USP28: variants seen among roughly 807,000 people sequenced by gnomAD.
The protein encoded by USP28 is ubiquitin specific peptidase 28, also known as ubiquitin carboxyl-terminal hydrolase 28.
A neutral mutation model predicts 145.0 loss-of-function variants in USP28; 113 were observed. That is an observed-to-expected ratio of 0.78 (90% confidence interval 0.67 to 0.91). The LOEUF is 0.91. Among genes scored for constraint, USP28 ranks in the 40% least tolerant of loss-of-function variants. The probability of loss-of-function intolerance (pLI) is 0.00; values close to 1 mark genes in which losing one functional copy is unlikely to be tolerated. For synonymous variants in USP28, 447 were observed against 450.9 expected, an observed-to-expected ratio of 0.99 and a Z score of 0.11; for missense variants, 1,201 against 1,289.6, an observed-to-expected ratio of 0.93 and a Z score of 1.05.
At chr11:113,822,818 G>A (rs1290611442) in intron 12 of USP28, among the ~76,000 whole-genome samples, 3 of 152,130 alleles carry the variant, frequency 2.0e-5, no homozygotes, top group African/African-American at 7.2e-5. Context: ...CTTCTGGAGT[G>A]AGAGTGGAAG....
chr11:113,868,659 G>C, intron 1 of USP28, among the ~76,000 whole-genome samples: 1 of 152,222 alleles, frequency 6.6e-6, no homozygotes, highest in East Asian at 1.9e-4. Context: ...CATGGTTCAC[G>C]CCTGTAATCC....
chr11:113,849,167 A>T (rs1946192817), intron 3 of USP28, among the ~76,000 whole-genome samples: 1 of 152,190 alleles, frequency 6.6e-6, no homozygotes, highest in Non-Finnish European at 1.5e-5. Context: ...AAATGCAAGG[A>T]GGTCTTTGCA....
chr11:113,815,335 G>A lies in USP28; in HGVS notation c.1511C>T (p.Ser504Phe), dbSNP rs1247469397. ...AGACTTGGGTAAAGAATCTTCAGGA[G>A]AAGAAAAGGTACTTTCAACATCCTG... The change falls in exon 14 of 25, where the codon TCT becomes TTT. Residue 504 changes from serine to phenylalanine, a missense_variant. Transcript: ENST00000003302. 1.5e-5 allele frequency: 25 copies of A among 1,614,028 alleles called. No homozygotes were observed. The highest frequency in any genetic ancestry group is 2.1e-5 in the Non-Finnish European group (25 of 1,180,050).
intron 18 of USP28, chr11:113,808,055 C>G: frequency 7.4e-7 from 1 of 1,344,996 alleles, no homozygotes; most frequent in East Asian, 3.4e-5. Context: ...GACTCTGCAT[C>G]ATTAGCCTTT....
intron 1 of USP28, chr11:113,874,867 C>G (rs1016692738): frequency 2.0e-6 from 2 of 1,002,768 alleles, no homozygotes; most frequent in Non-Finnish European, 2.4e-6. Context: ...AGCTCCTCCC[C>G]CTCCTTAAAA....
At chr11:113,818,671 G>A (rs1942131784) in intron 12 of USP28, among the ~76,000 whole-genome samples, 1 of 151,964 alleles carries the variant, frequency 6.6e-6, no homozygotes, top group South Asian at 2.1e-4. Flanking sequence ...ACCAGCCTAG[G>A]CAACATGACA....
chr11:113,811,545 G>A (rs1382537647), intron 16 of USP28, among the ~76,000 whole-genome samples: 1 of 152,116 alleles, frequency 6.6e-6, no homozygotes, highest in African/African-American at 2.4e-5. Context: ...AAAATCAGCT[G>A]GGCATGGTGG....
chr11:113,809,841 G>GGC (rs1257557648), intron 16 of USP28, among the ~76,000 whole-genome samples: 2 of 152,104 alleles, frequency 1.3e-5, no homozygotes, highest in Admixed American at 1.3e-4. Context: ...AGACCAGCCT[G>GGC]GCCAACATGG....
chr11:113,858,309 T>G (rs1947289708), intron 1 of USP28, among the ~76,000 whole-genome samples: 1 of 152,232 alleles, frequency 6.6e-6, no homozygotes, highest in South Asian at 2.1e-4. Flanking sequence ...TGATCCCCCC[T>G]TAGCCTGTTC....
chr11:113,868,373 A>G (rs962381639), intron 1 of USP28, among the ~76,000 whole-genome samples: 2 of 152,124 alleles, frequency 1.3e-5, no homozygotes, highest in Non-Finnish European at 2.9e-5. Flanking sequence ...CTCATACTAA[A>G]TTTTATTTCA....
chr11:113,848,386 G>A (rs1185435714), intron 3 of USP28, among the ~76,000 whole-genome samples: 1 of 152,154 alleles, frequency 6.6e-6, no homozygotes, highest in Admixed American at 6.5e-5. Flanking sequence ...GTTGAGGCAG[G>A]TTAATCAAGA....
chr11:113,815,531 T>C, intron 13 of USP28, 149 bp from the exon 14 acceptor site: 1 of 690,748 alleles, frequency 1.4e-6, no homozygotes, highest in Non-Finnish European at 2.4e-6. Flanking sequence ...AACCTTTTTC[T>C]CTATCATCTC....
intron 4 of USP28, among the ~76,000 whole-genome samples, 183 bp from the exon 5 acceptor site, chr11:113,840,940 A>G (rs1945131460): frequency 6.6e-6 from 1 of 152,240 alleles, no homozygotes. Flanking sequence ...ATTTATACAT[A>G]GAAATGTTAA....
Position 113,850,549 on chromosome 11 carries a change from CAA to C in USP28, c.268+1950_268+1951del, listed in dbSNP as rs139464893. Among the ~76,000 whole-genome samples, 699 of 152,286 alleles carry C rather than the reference CAA, an allele frequency of 4.6e-3. 5 individuals carry two copies. Among genetic ancestry groups the C allele is most frequent in the African/African-American group, 0.015 (618 of 41,572 alleles). ...CACAGCAGCATCATCCAGAATAGCTCAAAACTGTTAACGGCCCAAATGTCCAT... is the reference window on the plus strand; with the variant it reads ...CACAGCAGCATCATCCAGAATAGCTCAACTGTTAACGGCCCAAATGTCCAT... On this transcript the variant is annotated intron_variant, in intron 3 of 24. Coordinates refer to ENST00000003302, the Ensembl canonical transcript of USP28.
At chr11:113,852,132 C>T (rs915978060) in intron 3 of USP28, among the ~76,000 whole-genome samples, 1 of 152,124 alleles carries the variant, frequency 6.6e-6, no homozygotes, top group Non-Finnish European at 1.5e-5. Context: ...GGGTTCATGC[C>T]ATTCTCCTGC....
chr11:113,807,590 T>C (rs1940224865), intron 18 of USP28, among the ~76,000 whole-genome samples: 1 of 152,146 alleles, frequency 6.6e-6, no homozygotes. Flanking sequence ...AATTTATATC[T>C]GGAGGTAAAA....
intron 24 of USP28, among the ~76,000 whole-genome samples, chr11:113,800,182 T>C (rs1938710582): frequency 6.6e-6 from 1 of 152,032 alleles, no homozygotes; most frequent in South Asian, 2.1e-4. Context: ...ATTTTTTGTA[T>C]TTTTAGTAGA....
intron 1 of USP28, among the ~76,000 whole-genome samples, chr11:113,872,074 GCA>G (rs761100216): frequency 4.6e-5 from 7 of 152,150 alleles, no homozygotes; most frequent in African/African-American, 7.2e-5. Context: ...ACCGAGTCTG[GCA>G]CATAGTGCAT....
chr11:113,851,679 C>T (rs530808464), intron 3 of USP28, among the ~76,000 whole-genome samples: 10 of 151,944 alleles, frequency 6.6e-5, no homozygotes, highest in Non-Finnish European at 1.0e-4. Flanking sequence ...GCCTGTAATC[C>T]CAGCTACTCA....
Sources: gnomAD v4.1 joint callset for allele counts (sites outside exome capture counted in the v4.1 genomes callset) on GRCh38, gnomAD v4.1.1 for gene constraint, MANE v1.5 for transcripts, NCBI Gene and HGNC (gene_info 2026-07-23, HGNC 2026-07-21) for gene names.